The following SHROOM1 variants were observed in gnomAD, a reference collection of about 807,000 sequenced individuals.
SHROOM1 encodes protein Shroom1.
SHROOM1 carries 53 observed loss-of-function variants against 64.2 expected under a neutral mutation model. The ratio of observed to expected loss-of-function variants is 0.83; its 90% CI spans 0.66 to 1.04. The LOEUF is 1.04. SHROOM1 is among the 50% of genes least tolerant of loss of function. SHROOM1 has a pLI of 0.00. For synonymous variants in SHROOM1, 490 were observed against 518.9 expected (o/e 0.94, Z 0.76); for missense variants, 1,179 against 1,163.2 (o/e 1.01, Z -0.20).
intron 1 of SHROOM1, chr5:132,829,553 G>A: frequency 1.0e-6 from 1 of 983,160 alleles, no homozygotes; most frequent in African/African-American, 1.7e-5. Context: ...GGAGGCACAG[G>A]AGAACGGACA....
Position 132,823,070 on chromosome 5 carries a change from A to T in SHROOM1, c.2285T>A (p.Leu762Gln), listed in dbSNP as rs1305397928. The change falls in exon 10 of 10, where the codon CTG becomes CAG. Residue 762 changes from leucine (L) to glutamine (Q), a missense_variant. Transcript: ENST00000378679. The surrounding 1 kb of genome is among the most constrained non-coding windows in gnomAD (Gnocchi z 4.6). Reference sequence around the variant, plus strand: ...CTCGCGCCGCGCTACGTGCTCCTTCAGCTCCTTGGCGTCCTCCTCCTGCCG... The same window carrying T: ...CTCGCGCCGCGCTACGTGCTCCTTCTGCTCCTTGGCGTCCTCCTCCTGCCG... ...LQRQEEDAKELKEHVARRERA... is the reference protein window; with the variant it reads ...LQRQEEDAKEQKEHVARRERA... 1.3e-5 allele frequency: 21 copies of T among 1,593,090 alleles called. 1 individual carries two copies. The highest frequency in any genetic ancestry group is 3.3e-4 in the Middle Eastern group (2 of 6,034).
chr5:132,828,018 A>G (rs1758755795), intron 1 of SHROOM1, among the ~76,000 whole-genome samples: 1 of 152,102 alleles, frequency 6.6e-6, no homozygotes, highest in African/African-American at 2.4e-5. Context: ...GGGGCTCCCT[A>G]TGAACTATGG....
rs1483233196 is a variant in SHROOM1, at chr5:132,823,284, GC to G, written c.2191del (p.Ala731ProfsTer32). On this transcript the variant is annotated frameshift_variant, in exon 9 of 10. Transcript: ENST00000378679. LOFTEE classifies it high-confidence loss of function. The surrounding 1 kb of genome is among the most constrained non-coding windows in gnomAD (Gnocchi z 4.6). ...SRLARVRRAL[A>X]RAASDSDPDE... is the part of the protein sequence containing the mutation. ...AGGGTCGCTGTCTGAGGCCGCCCGG[GC>G]CAGGGCGCGGCGCACGCGCGCCAGG... 2 of 1,600,206 alleles carry G rather than the reference GC, an allele frequency of 1.2e-6. No homozygotes were observed. Among genetic ancestry groups the G allele is most frequent in the African/African-American group, 2.7e-5 (2 of 74,848 alleles).
At position 132,830,618 on chromosome 5, in the gene SHROOM1, C is replaced by T. The variant is rs534732913; in HGVS notation, c.-525G>A. 8.4e-4 allele frequency: 824 copies of T among 985,388 alleles called. 2 individuals carry two copies. The highest frequency in any genetic ancestry group is 2.1e-3 in the Middle Eastern group (4 of 1,912). 61.0% of individuals were successfully genotyped at this position (985,388 alleles called of 1,614,324 possible). A position where few individuals can be genotyped will look rare whatever the true frequency, so the allele number is the denominator to read the frequency against. ...CCTGAGGCTCCCGCCGAGACGCGCT[C>T]CTGGGCCGTCGCAGCCGCGCGGTGA... On this transcript the variant is annotated 5_prime_UTR_variant, in exon 1 of 10. Coordinates refer to ENST00000378679, the MANE Select transcript of SHROOM1 (RefSeq NM_001172700.2). The surrounding 1 kb of genome is among the most constrained non-coding windows in gnomAD (Gnocchi z 5.9).
At position 132,823,494 on chromosome 5, in the gene SHROOM1, A is replaced by T. The variant is rs1758530070; in HGVS notation, c.1982T>A (p.Met661Lys). The change falls in exon 9 of 10, where the codon ATG becomes AAG. Residue 661 changes from methionine to lysine, a missense_variant. Transcript: ENST00000378679. This position sits in a 1 kb window ranked among gnomAD's most constrained non-coding sequence, Gnocchi z 4.6. ...CTGCTCCGTGTGAAGGTCCTGAAGCATCTTTTGGAGGCGGGCGGCCAGCTC... is the reference window on the plus strand; with the variant it reads ...CTGCTCCGTGTGAAGGTCCTGAAGCTTCTTTTGGAGGCGGGCGGCCAGCTC... ...KVELAARLQK[M>K]LQDLHTEQER... 1 of 1,603,826 alleles carries T rather than the reference A, an allele frequency of 6.2e-7. No individual in the cohort carries two copies.
intron 2 of SHROOM1, among the ~76,000 whole-genome samples, chr5:132,827,151 C>T (rs1357795264): frequency 6.6e-6 from 1 of 152,212 alleles, no homozygotes; most frequent in African/African-American, 2.4e-5. Context: ...GGTCTCCTCA[C>T]TTTTTGGGAC....
Position 132,825,565 on chromosome 5 carries a change from C to A in SHROOM1, c.576G>T (p.Pro192=), listed in dbSNP as rs546154394. 2.1e-5 allele frequency: 30 copies of A among 1,412,148 alleles called. No individual in the cohort carries two copies. In the African/African-American group the frequency reaches 4.1e-4, roughly 19 times the overall value. The allele number at this position is 1,412,148 out of a possible 1,614,324, so 87.5% of individuals were successfully genotyped here. The part of the protein sequence containing the change: ...THPRSASLSH[P]GGEGEPARSR... ...AGCGCGCCGGCTCCCCCTCCCCGCC[C>A]GGGTGGCTGAGCGAGGCGGAGCGCG... The change falls in exon 4 of 10, where the codon CCG becomes CCT. Residue 192 remains proline (P), a synonymous_variant. Transcript: ENST00000378679. The surrounding 1 kb of genome is among the most constrained non-coding windows in gnomAD (Gnocchi z 5.1).
At chr5:132,829,427 A>G (rs1219443123) in intron 1 of SHROOM1, among the ~76,000 whole-genome samples, 1 of 152,178 alleles carries the variant, frequency 6.6e-6, no homozygotes, top group African/African-American at 2.4e-5. Context: ...AGGGGAGGGT[A>G]GACCAGGCAA....
Position 132,822,516 on chromosome 5 carries a change from A to T in SHROOM1, c.*280T>A, listed in dbSNP as rs182270108. ...GTAGCTGGCAATACAGGCACCCGCC[A>T]CCACGCCCGGCTAATTTTTTATATT... On this transcript the variant is annotated 3_prime_UTR_variant, in exon 10 of 10. Coordinates refer to ENST00000378679, the MANE Select transcript of SHROOM1 (RefSeq NM_001172700.2). 5.4e-3 allele frequency: 1,633 copies of T among 304,226 alleles called. 64 individuals carry two copies. In the Admixed American group the frequency reaches 0.068, roughly 13 times the overall value. The allele number at this position is 304,226 out of a possible 1,614,324, so 18.8% of individuals were successfully genotyped here.
chr5:132,825,493 G>A lies in SHROOM1; in HGVS notation c.648C>T (p.Asn216=), dbSNP rs545297231. Reference sequence around the variant, plus strand: ...CTGAGAAGCACCACTTCCGCTGCTGGTTGGCGAGGGGACCCCGGCCGGCAG... The same window carrying A: ...CTGAGAAGCACCACTTCCGCTGCTGATTGGCGAGGGGACCCCGGCCGGCAG... ...PGTAGRGPLA[N]QQRKWCFSEP... is the part of the protein sequence containing the mutation. Residue 216 remains asparagine (N), a synonymous_variant, in exon 4 of 10, where the codon AAC becomes AAT. Transcript: ENST00000378679. This position sits in a 1 kb window ranked among gnomAD's most constrained non-coding sequence, Gnocchi z 5.1. The A allele has an allele frequency of 6.6e-7, 1 of 1,513,340 alleles. No homozygotes were observed. Among genetic ancestry groups the A allele is most frequent in the South Asian group, 1.3e-5 (1 of 79,190 alleles). The allele number at this position is 1,513,340 out of a possible 1,614,324, so 93.7% of individuals were successfully genotyped here.
At position 132,823,433 on chromosome 5, in the gene SHROOM1, C is replaced by T; in HGVS notation, c.2043G>A (p.Arg681=). 6.2e-7 allele frequency: 1 copy of T among 1,611,972 alleles called. No homozygotes were observed. Among genetic ancestry groups the T allele is most frequent in the Non-Finnish European group, 8.5e-7 (1 of 1,179,836 alleles). ...CTGCAGCCTCCAGAGCCGCTTGGCG[C>T]CTGGCCCACGCTTGTGCCTCCCCCT... The part of the protein sequence containing the change: ...RLQGEAQAWA[R]RQAALEAAVR... Residue 681 remains arginine (R), a synonymous_variant, in exon 9 of 10, where the codon AGG becomes AGA. Transcript: ENST00000378679. This position sits in a 1 kb window ranked among gnomAD's most constrained non-coding sequence, Gnocchi z 4.6.
Position 132,825,084 on chromosome 5 carries a change from G to A in SHROOM1, c.979-11C>T, listed in dbSNP as rs1758617083. 2 of 1,613,996 alleles carry A rather than the reference G, an allele frequency of 1.2e-6. No individual in the cohort carries two copies. Among genetic ancestry groups the A allele is most frequent in the South Asian group, 1.1e-5 (1 of 91,078 alleles). Reference sequence around the variant, plus strand: ...TCCTTGGGGAACAGCCTGGAAGGGTGAACAGTCGACTGAAATGTGGCTCAA... The same window carrying A: ...TCCTTGGGGAACAGCCTGGAAGGGTAAACAGTCGACTGAAATGTGGCTCAA... On this transcript the variant is annotated splice_polypyrimidine_tract_variant and intron_variant, in intron 4 of 9. Coordinates refer to ENST00000378679, the MANE Select transcript of SHROOM1 (RefSeq NM_001172700.2). The surrounding 1 kb of genome is among the most constrained non-coding windows in gnomAD (Gnocchi z 5.1).
rs139762239 is a variant in SHROOM1, at chr5:132,823,966, G to T, written c.1695C>A (p.Ser565Arg). The change falls in exon 7 of 10, where the codon AGC (serine) becomes AGA (arginine). Residue 565 changes from serine (S) to arginine (R), a missense_variant. Coordinates refer to ENST00000378679, the MANE Select transcript of SHROOM1 (RefSeq NM_001172700.2). This position sits in a 1 kb window ranked among gnomAD's most constrained non-coding sequence, Gnocchi z 4.6. ...SLCDPLASQP[S>R]PEPPLGLLDG... Reference sequence around the variant, plus strand: ...CCAGCAGGCCCAGGGGTGGCTCTGGGCTGGGCTGGGAAGCAAGAGGGTCAC... The same window carrying T: ...CCAGCAGGCCCAGGGGTGGCTCTGGTCTGGGCTGGGAAGCAAGAGGGTCAC... 8.1e-6 allele frequency: 13 copies of T among 1,602,172 alleles called. No individual in the cohort carries two copies. The highest frequency in any genetic ancestry group is 1.1e-5 in the Non-Finnish European group (13 of 1,174,216).
At position 132,825,499 on chromosome 5, in the gene SHROOM1, G is replaced by T. The variant is rs369065314; in HGVS notation, c.642C>A (p.Leu214=). ...PAPGTAGRGP[L]ANQQRKWCFS... is the part of the protein sequence containing the mutation. ...AGCACCACTTCCGCTGCTGGTTGGC[G>T]AGGGGACCCCGGCCGGCAGTTCCTG... The change falls in exon 4 of 10, where the codon CTC becomes CTA. Residue 214 remains leucine, a synonymous_variant. Coordinates refer to ENST00000378679, the MANE Select transcript of SHROOM1 (RefSeq NM_001172700.2). This position sits in a 1 kb window ranked among gnomAD's most constrained non-coding sequence, Gnocchi z 5.1. 152 of 1,506,244 alleles carry T rather than the reference G, an allele frequency of 1.0e-4. 1 individual carries two copies. The highest frequency in any genetic ancestry group is 3.2e-4 in the South Asian group (25 of 78,082). The allele number at this position is 1,506,244 out of a possible 1,614,324, so 93.3% of individuals were successfully genotyped here. A position where few individuals can be genotyped will look rare whatever the true frequency, so the allele number is the denominator to read the frequency against.
intron 1 of SHROOM1, among the ~76,000 whole-genome samples, chr5:132,828,356 T>A (rs1320285142): frequency 6.6e-6 from 1 of 152,214 alleles, no homozygotes; most frequent in Non-Finnish European, 1.5e-5. Flanking sequence ...TGTATATGCC[T>A]ACTAAGCCCA....
Position 132,823,900 on chromosome 5 carries a change from C to T in SHROOM1, c.1761G>A (p.Arg587=). 1 of 1,543,460 alleles carries T rather than the reference C, an allele frequency of 6.5e-7. No homozygotes were observed. Among genetic ancestry groups the T allele is most frequent in the South Asian group, 1.3e-5 (1 of 78,264 alleles). Residue 587 remains arginine (R), a synonymous_variant, in exon 7 of 10, where the codon CGG becomes CGA. Transcript: ENST00000378679. The surrounding 1 kb of genome is among the most constrained non-coding windows in gnomAD (Gnocchi z 4.6). The part of the protein sequence containing the change: ...IPLAEVRAAM[R]PACGEAGEEA... ...CCTCTCCAGCCTCCCCACAGGCAGG[C>T]CGCATTGCAGCCCGGACCTCTGCTA...
At chr5:132,828,246 T>C (rs771699867) in intron 1 of SHROOM1, among the ~76,000 whole-genome samples, 20 of 152,050 alleles carry the variant, frequency 1.3e-4, no homozygotes, top group Non-Finnish European at 2.5e-4. Context: ...GAGGATATGG[T>C]GTTTCCTAAA....
rs377481094 is a variant in SHROOM1 at position 132,830,296 on chromosome 5, C to G, written c.-501+298G>C. 2.5e-5 allele frequency: 25 copies of G among 985,102 alleles called. No homozygotes were observed. The highest frequency in any genetic ancestry group is 3.0e-5 in the Non-Finnish European group (25 of 829,850). The allele number at this position is 985,102 out of a possible 1,614,324, so 61.0% of individuals were successfully genotyped here. ...GGTGGCGGAGTGAGACCGCGCTGCC[C>G]GCCGGCGCCACACGCGGCGCGCCCA... On this transcript the variant is annotated intron_variant, in intron 1 of 9. Transcript: ENST00000378679. The surrounding 1 kb of genome is among the most constrained non-coding windows in gnomAD (Gnocchi z 5.9).
In SHROOM1 at chr5:132,824,360, G is replaced by C; in HGVS notation, c.1301C>G (p.Thr434Arg). 1.9e-6 allele frequency: 3 copies of C among 1,598,536 alleles called. No individual in the cohort carries two copies. The highest frequency in any genetic ancestry group is 1.7e-6 in the Non-Finnish European group (2 of 1,172,682). The part of the protein sequence containing the change: ...TGLGQRTGQV[T>R]VPTEYPLHEC... ...ATGGAGCGGGTACTCTGTGGGGACT[G>C]TAACCTGGCCAGTTCTTTGGCCTAA... Residue 434 changes from threonine to arginine, a missense_variant, in exon 7 of 10, where the codon ACA (threonine) becomes AGA (arginine). Thr to Arg is a moderately conservative substitution (Grantham distance 71). Transcript: ENST00000378679.
Sources: gnomAD v4.1 joint callset for allele counts (sites outside exome capture counted in the v4.1 genomes callset) on GRCh38, gnomAD v4.1.1 for gene constraint, Gnocchi (gnomAD v3.1) non-coding constraint, MANE v1.5 for transcripts, NCBI Gene and HGNC (gene_info 2026-07-23, HGNC 2026-07-21) for gene names.